Variants in SLURP2 observed in about 807,000 individuals in gnomAD.
SLURP2 encodes the protein secreted Ly-6/uPAR domain-containing protein 2.
A neutral mutation model predicts 9.8 loss-of-function variants in SLURP2; 4 were observed. That is an observed-to-expected ratio of 0.41 (90% CI 0.20 to 0.94). SLURP2 has a LOEUF of 0.94. Among genes scored for constraint, SLURP2 ranks in the 40% least tolerant of loss-of-function variants. The pLI, the probability that SLURP2 is intolerant of heterozygous loss-of-function variation, is 0.32. For missense variants in SLURP2, 118 were observed against 126.4 expected (o/e 0.93, Z 0.32); for synonymous variants, 58 against 56.2 (o/e 1.03, Z -0.15).
In SLURP2 at chr8:142,765,095, C is replaced by T; in HGVS notation, c.98G>A (p.Gly33Glu). Residue 33 changes from glycine (G) to glutamate (E), a missense_variant, in exon 2 of 3, where the codon GGG (glycine) becomes GAG (glutamate). Coordinates refer to ENST00000317543, the MANE Select transcript of SLURP2 (RefSeq NM_177458.3). ...IWCHQCTGFG[G>E]CSHGSRCLRD... The stretch of plus-strand genomic sequence containing the variant: ...CAGGCATCTGGATCCATGGGAGCAC[C>T]CTCCGAAGCCCGTGCACTGGTGACA... 1 of 1,612,710 alleles carries T rather than the reference C, an allele frequency of 6.2e-7. No homozygotes were observed. The highest frequency in any genetic ancestry group is 8.5e-7 in the Non-Finnish European group (1 of 1,179,800).
chr8:142,767,781 T>C (rs934280458), intron 1 of SLURP2, among the ~76,000 whole-genome samples: 3 of 151,890 alleles, frequency 2.0e-5, no homozygotes. Context: ...CAGGGCTCCT[T>C]CCTCACCCCC....
In SLURP2 at chr8:142,764,494, G is replaced by T; in HGVS notation, c.*111C>A. 1 of 1,124,342 alleles carries T rather than the reference G, an allele frequency of 8.9e-7. No homozygotes were observed. The highest frequency in any genetic ancestry group is 1.3e-6 in the Non-Finnish European group (1 of 765,916). The allele number at this position is 1,124,342 out of a possible 1,614,324, so 69.6% of individuals were successfully genotyped here. On this transcript the variant is annotated 3_prime_UTR_variant, in exon 3 of 3. Transcript: ENST00000317543. ...GCGGTGCTGGACGGTGGCTGCAGAG[G>T]CCGGGAGAGGTGGGCTGGCCAGTCT...
intron 1 of SLURP2, chr8:142,766,409 TA>T (rs1815007666): frequency 6.6e-6 from 1 of 151,902 alleles, no homozygotes; most frequent in Admixed American, 6.6e-5. Flanking sequence ...TGCACCTAAA[TA>T]ATAAATATCC....
Position 142,765,049 on chromosome 8 carries a change from GAC to G in SLURP2, c.142_143del (p.Val48HisfsTer49). The G allele has an allele frequency of 6.2e-7, 1 of 1,611,852 alleles. No homozygotes were observed. Among genetic ancestry groups the G allele is most frequent in the Non-Finnish European group, 8.5e-7 (1 of 1,179,310 alleles). On this transcript the variant is annotated frameshift_variant, in exon 2 of 3. Transcript: ENST00000317543. LOFTEE classifies it low-confidence loss of function (END_TRUNC). ...SRCLRDSTHCVTTATRVLSNT... is the reference protein window; with the variant it reads ...SRCLRDSTHCXTTATRVLSNT... ...GTTCCCACTTACGGGTGGCAGTGGT[GAC>G]ACAGTGGGTGGAGTCCCTCAGGCAT...
rs777922202 is a variant in SLURP2 at position 142,764,569 on chromosome 8, G to C, written c.*36C>G. 1.6e-5 allele frequency: 25 copies of C among 1,594,634 alleles called. No homozygotes were observed. The highest frequency in any genetic ancestry group is 2.0e-5 in the Non-Finnish European group (24 of 1,172,956). ...TGGCGCCAGGCTGTGGGGGCTGTGG[G>C]GGCTGAGCGTCCGGGGGCCTGGAGG... On this transcript the variant is annotated 3_prime_UTR_variant, in exon 3 of 3. Transcript: ENST00000317543.
At position 142,768,495 on chromosome 8, in the gene SLURP2, G is replaced by A. The variant is rs587620428; in HGVS notation, c.52+1260C>T. Among the ~76,000 whole-genome samples the A allele has an allele frequency of 1.7e-3, 260 of 152,198 alleles. 1 individual carries two copies. The highest frequency in any genetic ancestry group is 3.8e-3 in the Admixed American group (58 of 15,294). On this transcript the variant is annotated intron_variant, in intron 1 of 2. Coordinates refer to ENST00000317543, the MANE Select transcript of SLURP2 (RefSeq NM_177458.3). The surrounding 1 kb of genome is among the most constrained non-coding windows in gnomAD (Gnocchi z 4.8). ...TGAGGCAGCTTGGGGCTTGTTCCTC[G>A]AGGGGCAGGTGGGATTTCAGCAGAA...
At chr8:142,764,972 C>A in intron 2 of SLURP2, 64 bp downstream of exon 2, 1 of 1,417,612 alleles carries the variant, frequency 7.1e-7, no homozygotes, top group Non-Finnish European at 9.8e-7. Context: ...CTGTCACCCT[C>A]TGAGCCCACA....
chr8:142,769,409 G>T (rs1326742939), intron 1 of SLURP2, among the ~76,000 whole-genome samples: 4 of 151,640 alleles, frequency 2.6e-5, no homozygotes, highest in Middle Eastern at 3.2e-3. Flanking sequence ...AGGGCTGGAG[G>T]GGGGCACATT....
At chr8:142,765,911 C>T (rs1028667275) in intron 1 of SLURP2, among the ~76,000 whole-genome samples, 9 of 150,608 alleles carry the variant, frequency 6.0e-5, no homozygotes, top group East Asian at 2.0e-4. Context: ...TGCAGTGAGC[C>T]GAGATCGCGC....
chr8:142,764,541 C>T lies in SLURP2; in HGVS notation c.*64G>A, dbSNP rs763600718. On this transcript the variant is annotated 3_prime_UTR_variant, in exon 3 of 3. Coordinates refer to ENST00000317543, the MANE Select transcript of SLURP2 (RefSeq NM_177458.3). Reference sequence around the variant, plus strand: ...GTCTCGAGGGAGGGGCAGCTGTGAGCCCTGGCGCCAGGCTGTGGGGGCTGT... The same window carrying T: ...GTCTCGAGGGAGGGGCAGCTGTGAGTCCTGGCGCCAGGCTGTGGGGGCTGT... 1.3e-6 allele frequency: 2 copies of T among 1,558,564 alleles called. No individual in the cohort carries two copies. The highest frequency in any genetic ancestry group is 1.1e-5 in the South Asian group (1 of 87,448).
intron 2 of SLURP2, 31 bp from the exon 3 acceptor site, chr8:142,764,772 C>G (rs1373904915): frequency 6.2e-7 from 1 of 1,609,520 alleles, no homozygotes; most frequent in Admixed American, 1.7e-5. Context: ...CCATGGAGCT[C>G]CCTGAGGCTC....
chr8:142,765,423 A>G (rs2130065630), intron 1 of SLURP2, among the ~76,000 whole-genome samples: 1 of 142,676 alleles, frequency 7.0e-6, no homozygotes, highest in East Asian at 2.3e-4. Context: ...GTGATGTCCC[A>G]GGGCAGTGGT....
At position 142,767,315 on chromosome 8, in the gene SLURP2, C is replaced by T. The variant is rs587655128; in HGVS notation, c.53-2175G>A. ...GAAAGAAAGGTGGTGACAGCTGCCT[C>T]CAAGCCCCTCTCTGCCTTCCCACCA... On this transcript the variant is annotated intron_variant, in intron 1 of 2. Transcript: ENST00000317543. Among the ~76,000 whole-genome samples the T allele has an allele frequency of 3.3e-5, 5 of 152,366 alleles. No individual in the cohort carries two copies. The East Asian group carries it at 9.6e-4, about 29-fold the overall frequency.
chr8:142,765,035 CG>C lies in SLURP2; in HGVS notation c.157del (p.Arg53GlyfsTer18), dbSNP rs754560550. 3.1e-6 allele frequency: 5 copies of C among 1,607,852 alleles called. No individual in the cohort carries two copies. Among genetic ancestry groups the C allele is most frequent in the Non-Finnish European group, 4.3e-6 (5 of 1,176,464 alleles). On this transcript the variant is annotated frameshift_variant and splice_region_variant, in exon 2 of 3. Coordinates refer to ENST00000317543, the MANE Select transcript of SLURP2 (RefSeq NM_177458.3). LOFTEE classifies it low-confidence loss of function (END_TRUNC). The part of the protein sequence containing the change: ...DSTHCVTTAT[R>X]VLSNTEDLPL... ...GCCAGCCCACCACTGTTCCCACTTA[CG>C]GGTGGCAGTGGTGACACAGTGGGTG...
intron 1 of SLURP2, among the ~76,000 whole-genome samples, chr8:142,769,408 G>A (rs1267755029): frequency 1.3e-5 from 2 of 151,770 alleles, no homozygotes; most frequent in Non-Finnish European, 1.5e-5. Context: ...GAGGGCTGGA[G>A]GGGGGCACAT....
intron 1 of SLURP2, among the ~76,000 whole-genome samples, chr8:142,767,695 A>C (rs1815046719): frequency 6.6e-6 from 1 of 151,766 alleles, no homozygotes; most frequent in Non-Finnish European, 1.5e-5. Flanking sequence ...AATGGTTCCA[A>C]CTCTGACACA....
At chr8:142,769,732 G>A (rs1039044642) in intron 1 of SLURP2, 23 bp downstream of exon 1, 1 of 1,594,970 alleles carries the variant, frequency 6.3e-7, no homozygotes, top group South Asian at 1.1e-5. Flanking sequence ...TGAGCAGGAG[G>A]TGGCCCCAGC....
rs587635697 is a variant in SLURP2, at chr8:142,767,149, C to A, written c.53-2009G>T. 2.5e-3 allele frequency among the ~76,000 whole-genome samples: 377 copies of A among 152,374 alleles called. 3 individuals carry two copies. Among genetic ancestry groups the A allele is most frequent in the African/African-American group, 7.8e-3 (326 of 41,590 alleles). ...ACGGGCCAGAGTCCTCTGGTCACCC[C>A]TGGGTCCTGTGGGCGGAATCCTCCA... On this transcript the variant is annotated intron_variant, in intron 1 of 2. Transcript: ENST00000317543.
Position 142,764,702 on chromosome 8 carries a change from T to C in SLURP2, c.197A>G (p.Lys66Arg), listed in dbSNP as rs764215012. The stretch of plus-strand genomic sequence containing the variant: ...ATCGGGGCAGCCTATGTGGCACATC[T>C]TGGTGACCAGAGGCAAATCCTCGGT... ...SNTEDLPLVT[K>R]MCHIGCPDIP... The change falls in exon 3 of 3, where the codon AAG becomes AGG. Residue 66 changes from lysine to arginine, a missense_variant. Coordinates refer to ENST00000317543, the MANE Select transcript of SLURP2 (RefSeq NM_177458.3). 1.2e-6 allele frequency: 2 copies of C among 1,613,090 alleles called. No homozygotes were observed. Among genetic ancestry groups the C allele is most frequent in the Non-Finnish European group, 1.7e-6 (2 of 1,179,700 alleles).
Sources: gnomAD v4.1 joint callset for allele counts (sites outside exome capture counted in the v4.1 genomes callset) on GRCh38, gnomAD v4.1.1 for gene constraint, Gnocchi (gnomAD v3.1) non-coding constraint, MANE v1.5 for transcripts, NCBI Gene and HGNC (gene_info 2026-07-23, HGNC 2026-07-21) for gene names.